The following SCN1A variants were observed in gnomAD, a reference collection of about 807,000 sequenced individuals.
SCN1A encodes the protein sodium voltage-gated channel alpha subunit 1, also known as sodium channel protein type 1 subunit alpha.
A neutral mutation model predicts 193.7 loss-of-function variants in SCN1A; 13 were observed. The observed-to-expected ratio is 0.07, with a 90% confidence interval of 0.04 to 0.11. SCN1A has a LOEUF of 0.11. Among genes scored for constraint, SCN1A ranks in the 10% least tolerant of loss-of-function variants. The pLI, the probability that SCN1A is intolerant of heterozygous loss-of-function variation, is 1.00. For synonymous variants in SCN1A, 781 were observed against 843.6 expected (o/e 0.93, Z 1.29); for missense variants, 1,432 against 2,451.1 (o/e 0.58, Z 8.78).
intron 2 of SCN1A, among the ~76,000 whole-genome samples, chr2:166,080,911 G>A (rs915096689): frequency 2.6e-5 from 4 of 151,798 alleles, no homozygotes; most frequent in South Asian, 2.1e-4. Context: ...TTACCTTCTC[G>A]GGAGACTTTA....
intron 3 of SCN1A, chr2:166,075,224 A>G (rs934373713): frequency 6.6e-6 from 1 of 152,080 alleles, no homozygotes; most frequent in African/African-American, 2.4e-5. Context: ...TATGTAAATG[A>G]TATAAATGCA....
intron 2 of SCN1A, chr2:166,081,593 GT>G (rs1385026019): frequency 1.3e-5 from 2 of 151,842 alleles, no homozygotes; most frequent in African/African-American, 4.8e-5. Flanking sequence ...GAAATTTAGT[GT>G]TTCCCATCCC....
In SCN1A at chr2:166,036,462, A is replaced by G; in HGVS notation, c.3015T>C (p.Asp1005=). ...TTTGGAGATTATTCATTTCATTATC[A>G]TCATCAGTGGCTGCAAGGTTGTCTG... ...FSADNLAATD[D]DNEMNNLQIA... is the part of the protein sequence containing the mutation. The change falls in exon 19 of 29, where the codon GAT becomes GAC. Residue 1005 remains aspartate, a synonymous_variant. Coordinates refer to ENST00000674923, the MANE Select transcript of SCN1A (RefSeq NM_001165963.4). The G allele has an allele frequency of 1.9e-6, 3 of 1,610,904 alleles. No individual in the cohort carries two copies. The highest frequency in any genetic ancestry group is 2.5e-6 in the Non-Finnish European group (3 of 1,179,134).
intron 2 of SCN1A, among the ~76,000 whole-genome samples, chr2:166,120,384 G>A (rs373312189): frequency 6.1e-5 from 9 of 147,828 alleles, no homozygotes; most frequent in South Asian, 2.2e-4. Flanking sequence ...TTTTTTTTCC[G>A]TAATTGGGGC....
At chr2:166,091,936 T>C (rs1686852653) in intron 2 of SCN1A, among the ~76,000 whole-genome samples, 1 of 152,196 alleles carries the variant, frequency 6.6e-6, no homozygotes, top group Non-Finnish European at 1.5e-5. Context: ...GCACGGGCTA[T>C]AGGAAGGGCA....
intron 1 of SCN1A, among the ~76,000 whole-genome samples, chr2:166,136,358 A>T (rs1691857131): frequency 6.6e-6 from 1 of 152,154 alleles, no homozygotes; most frequent in Non-Finnish European, 1.5e-5. Flanking sequence ...GCAAGGATGA[A>T]ACTCAGCGAT....
intron 18 of SCN1A, among the ~76,000 whole-genome samples, chr2:166,036,937 T>A (rs1297800708): frequency 6.6e-6 from 1 of 152,176 alleles, no homozygotes; most frequent in East Asian, 1.9e-4. Context: ...TTAAATTGGA[T>A]GTCAATTGAA....
In SCN1A at chr2:165,986,094, A is replaced by G. The variant is rs1364414566; in HGVS notation, c.*5151T>C. On this transcript the variant is annotated 3_prime_UTR_variant, in exon 29 of 29. Transcript: ENST00000674923. Reference sequence around the variant, plus strand: ...AATTTTCCACTTGGCTAAATAAAATATTAAAACCAATGACCCATTATCACG... The same window carrying G: ...AATTTTCCACTTGGCTAAATAAAATGTTAAAACCAATGACCCATTATCACG... 1 of 152,172 alleles carries G rather than the reference A, an allele frequency of 6.6e-6. No homozygotes were observed. The highest frequency in any genetic ancestry group is 1.5e-5 in the Non-Finnish European group (1 of 68,026). The allele number at this position is 152,172 out of a possible 1,614,324, so 9.4% of individuals were successfully genotyped here.
chr2:166,077,016 A>G (rs1685052473), intron 3 of SCN1A: 1 of 151,926 alleles, frequency 6.6e-6, no homozygotes, highest in Non-Finnish European at 1.5e-5. Flanking sequence ...GAACTGTCTC[A>G]TCTTCATATT....
At chr2:166,084,415 T>C (rs487374) in intron 2 of SCN1A, among the ~76,000 whole-genome samples, 36,988 of 151,894 alleles carry the variant, frequency 0.24, 5,147 homozygotes, top group East Asian at 0.47. Context: ...TTCTTGCTGC[T>C]CTCTCAGACA....
Position 166,056,606 on chromosome 2 carries a change from G to T in SCN1A, c.384-106C>A. On this transcript the variant is annotated intron_variant, in intron 5 of 28. Transcript: ENST00000674923. Reference sequence around the variant, plus strand: ...AACTGCAGCTTAGCCAAAATTCAGGGATAAATGCATTGTGGGCAAGTCTTC... The same window carrying T: ...AACTGCAGCTTAGCCAAAATTCAGGTATAAATGCATTGTGGGCAAGTCTTC... 7.7e-6 allele frequency: 6 copies of T among 779,324 alleles called. No individual in the cohort carries two copies. The South Asian group carries it at 8.6e-5, about 11-fold the overall frequency. The allele number at this position is 779,324 out of a possible 1,614,324, so 48.3% of individuals were successfully genotyped here.
chr2:166,018,911 TTGTA>T (rs2105661081), intron 19 of SCN1A, among the ~76,000 whole-genome samples: 2 of 152,262 alleles, frequency 1.3e-5, no homozygotes, highest in African/African-American at 4.8e-5. Flanking sequence ...TAACATAAGA[TTGTA>T]TGAACTGTAT....
At chr2:166,143,698 G>A (rs1367851108) in intron 1 of SCN1A, among the ~76,000 whole-genome samples, 1 of 152,146 alleles carries the variant, frequency 6.6e-6, no homozygotes, top group Non-Finnish European at 1.5e-5. Flanking sequence ...TTAGAAAAAA[G>A]TCTGAGGAAT....
At chr2:166,037,371 C>T (rs930382409) in intron 18 of SCN1A, among the ~76,000 whole-genome samples, 1 of 152,162 alleles carries the variant, frequency 6.6e-6, no homozygotes, top group Non-Finnish European at 1.5e-5. Flanking sequence ...GGTAATTTTG[C>T]ACTTTCTCTC....
intron 2 of SCN1A, among the ~76,000 whole-genome samples, chr2:166,105,110 T>C (rs2106164878): frequency 6.6e-6 from 1 of 152,364 alleles, no homozygotes; most frequent in East Asian, 1.9e-4. Flanking sequence ...TTTAATGTTT[T>C]ATACATATTT....
upstream of SCN1A, among the ~76,000 whole-genome samples, chr2:166,128,244 A>C (rs1050705554): frequency 6.6e-6 from 1 of 152,038 alleles, no homozygotes; most frequent in Non-Finnish European, 1.5e-5. Flanking sequence ...CTATTGCTAT[A>C]TAATATCATG....
At chr2:166,053,136 G>C (rs1559242738) in intron 7 of SCN1A, 193 bp from the exon 8 acceptor site, 1 of 1,082,726 alleles carries the variant, frequency 9.2e-7, no homozygotes, top group Admixed American at 1.7e-5. Context: ...CAAACCTGTA[G>C]AATTAAATCA....
intron 16 of SCN1A, among the ~76,000 whole-genome samples, chr2:166,041,030 C>T (rs1308880668): frequency 2.6e-5 from 4 of 152,134 alleles, no homozygotes; most frequent in African/African-American, 9.7e-5. Flanking sequence ...AGGCCTATGC[C>T]TTTCTCAGTT....
chr2:166,137,552 T>G (rs1048703824), intron 1 of SCN1A: 4 of 152,838 alleles, frequency 2.6e-5, no homozygotes, highest in Admixed American at 6.5e-5. Flanking sequence ...GCTCTCTTTT[T>G]GCCTGCTGCC....
Sources: gnomAD v4.1 joint callset for allele counts (sites outside exome capture counted in the v4.1 genomes callset) on GRCh38, gnomAD v4.1.1 for gene constraint, MANE v1.5 for transcripts, NCBI Gene and HGNC (gene_info 2026-07-23, HGNC 2026-07-21) for gene names.